MISP: variants seen among roughly 807,000 people sequenced by gnomAD.
The protein encoded by MISP is mitotic spindle positioning.
In MISP, 51 loss-of-function variants were observed where a neutral mutation model predicts 49.3. The observed-to-expected ratio is 1.03, with a 90% CI of 0.83 to 1.31. The LOEUF (loss-of-function observed/expected upper bound fraction) is 1.31. Ranked by LOEUF, MISP falls within the 50% of genes most tolerant of loss-of-function variation. MISP has a pLI of 0.00. For missense variants in MISP, 1,084 were observed against 935.1 expected, an observed-to-expected ratio of 1.16 and a Z score of -2.08; for synonymous variants, 444 against 392.6, an observed-to-expected ratio of 1.13 and a Z score of -1.55.
In MISP at chr19:757,498, CGTG is replaced by C. The variant is rs2033574580; in HGVS notation, c.555_557del (p.Val186del). ...CTCGGTCCACGCCCCTGGAGGAGAA[CGTG>C]GTTGACAGGGAGCAGATTGACTTCC... On this transcript the variant is annotated inframe_deletion, in exon 2 of 5. Coordinates refer to ENST00000215582, the MANE Select transcript of MISP (RefSeq NM_173481.4). 1 of 1,603,156 alleles carries C rather than the reference CGTG, an allele frequency of 6.2e-7. No homozygotes were observed. Among genetic ancestry groups the C allele is most frequent in the East Asian group, 2.2e-5 (1 of 44,470 alleles).
chr19:762,974 C>G (rs1020396193), intron 4 of MISP, among the ~76,000 whole-genome samples: 1 of 152,172 alleles, frequency 6.6e-6, no homozygotes, highest in Non-Finnish European at 1.5e-5. Context: ...CGCCTGACCC[C>G]TCTTTGAGCT....
Position 757,260 on chromosome 19 carries a change from G to A in MISP, c.314G>A (p.Gly105Glu), listed in dbSNP as rs1404209167. 1 of 1,613,840 alleles carries A rather than the reference G, an allele frequency of 6.2e-7. No homozygotes were observed. The highest frequency in any genetic ancestry group is 1.3e-5 in the African/African-American group (1 of 74,936). ...YRLGARDAHQ[G>E]RPTWALRPED... ...CTGGGCGCCAGGGATGCCCACCAGG[G>A]ACGTCCAACATGGGCACTCCGCCCA... Residue 105 changes from glycine (G) to glutamate (E), a missense_variant, in exon 2 of 5, where the codon GGA becomes GAA. Transcript: ENST00000215582.
At chr19:754,874 T>C (rs1184491397) in intron 1 of MISP, among the ~76,000 whole-genome samples, 6 of 128,854 alleles carry the variant, frequency 4.7e-5, no homozygotes, top group South Asian at 2.6e-4. Context: ...AAGAGGAGGG[T>C]CTGGTTTGGG....
rs1476156325 is a variant in MISP at position 761,788 on chromosome 19, G to A, written c.1950+125G>A. On this transcript the variant is annotated intron_variant, in intron 4 of 4. Coordinates refer to ENST00000215582, the MANE Select transcript of MISP (RefSeq NM_173481.4). ...ATCGTATTGGGTGTCTTCTCAATTG[G>A]TAGTGTCTGCTCAGGGTGGATTTTG... is the stretch of plus-strand genomic sequence containing the variant. 5.0e-6 allele frequency: 5 copies of A among 1,002,282 alleles called. No individual in the cohort carries two copies. The African/African-American group carries it at 6.4e-5, about 13-fold the overall frequency. 62.1% of individuals were successfully genotyped at this position (1,002,282 alleles called of 1,614,324 possible). A position where few individuals can be genotyped will look rare whatever the true frequency, so the allele number is the denominator to read the frequency against.
chr19:758,784 G>T (rs1255378244), intron 2 of MISP, 58 bp downstream of exon 2: 2 of 1,442,712 alleles, frequency 1.4e-6, no homozygotes, highest in African/African-American at 2.8e-5. Context: ...GTTGGAGCAG[G>T]GGAGGGTGGG....
chr19:761,085 C>CTT (rs557194356), intron 3 of MISP, among the ~76,000 whole-genome samples: 117 of 92,788 alleles, frequency 1.3e-3, no homozygotes, highest in Non-Finnish European at 1.6e-3. Flanking sequence ...ATATTATGTC[C>CTT]TTTTTTTTTT....
chr19:763,628 AC>A lies in MISP; in HGVS notation c.*41del, dbSNP rs768255010. 5.3e-6 allele frequency: 8 copies of A among 1,499,116 alleles called. No individual in the cohort carries two copies. The Admixed American group carries it at 1.4e-4, about 26-fold the overall frequency. The allele number at this position is 1,499,116 out of a possible 1,614,324, so 92.9% of individuals were successfully genotyped here. On this transcript the variant is annotated 3_prime_UTR_variant, in exon 5 of 5. Coordinates refer to ENST00000215582, the MANE Select transcript of MISP (RefSeq NM_173481.4). ...GGCGCCCACCCCCTGCCCTGCCCTGACCCTCGTGGGAACTGCCAAGACCATC... is the reference window on the plus strand; with the variant it reads ...GGCGCCCACCCCCTGCCCTGCCCTGACCTCGTGGGAACTGCCAAGACCATC...
At chr19:754,790 C>G (rs745788429) in intron 1 of MISP, among the ~76,000 whole-genome samples, 10 of 151,938 alleles carry the variant, frequency 6.6e-5, no homozygotes, top group Non-Finnish European at 1.0e-4. Flanking sequence ...CAGGCAGCCT[C>G]GAGACAGAGA....
In MISP at chr19:756,931, C is replaced by A; in HGVS notation, c.-16C>A. 2 of 1,510,166 alleles carry A rather than the reference C, an allele frequency of 1.3e-6. No homozygotes were observed. Among genetic ancestry groups the A allele is most frequent in the East Asian group, 2.4e-5 (1 of 41,252 alleles). 93.5% of individuals were successfully genotyped at this position (1,510,166 alleles called of 1,614,324 possible). A position where few individuals can be genotyped will look rare whatever the true frequency, so the allele number is the denominator to read the frequency against. On this transcript the variant is annotated 5_prime_UTR_variant, in exon 2 of 5. Transcript: ENST00000215582. The stretch of plus-strand genomic sequence containing the variant: ...CACCCCACGGGAGGAAGGCTGAGGC[C>A]AAGACCCCGGAAGAGATGGACCGCG...
rs1443966086 is a variant in MISP, at chr19:758,216, G to A, written c.1270G>A (p.Ala424Thr). 3.1e-6 allele frequency: 5 copies of A among 1,612,720 alleles called. No individual in the cohort carries two copies. The highest frequency in any genetic ancestry group is 4.2e-6 in the Non-Finnish European group (5 of 1,179,854). The change falls in exon 2 of 5, where the codon GCC becomes ACC. Residue 424 changes from alanine (A) to threonine (T), a missense_variant. Ala to Thr is a moderately conservative substitution (Grantham distance 58). Coordinates refer to ENST00000215582, the MANE Select transcript of MISP (RefSeq NM_173481.4). The part of the protein sequence containing the change: ...VRKVNRIPPD[A>T]YQPYLSPGTP... ...GAAGGTGAACCGCATCCCACCTGAT[G>A]CCTACCAGCCGTACCTGAGCCCCGG...
At chr19:750,188 CT>C (rs71174321), upstream of MISP, among the ~76,000 whole-genome samples, 1,550 of 112,034 alleles carry the variant, frequency 0.014, 57 homozygotes, top group African/African-American at 0.042. Flanking sequence ...TCGTGCGGTT[CT>C]TTTTTTTTTT....
Position 757,131 on chromosome 19 carries a change from A to C in MISP, c.185A>C (p.Gln62Pro). Residue 62 changes from glutamine to proline, a missense_variant, in exon 2 of 5, where the codon CAG (glutamine) becomes CCG (proline). Physicochemically the swap from Gln to Pro is moderately conservative, Grantham distance 76 (BLOSUM62 -1). Coordinates refer to ENST00000215582, the MANE Select transcript of MISP (RefSeq NM_173481.4). ...GACCACAGGGCCCAGCAGGGCGTGC[A>C]GAGGCAGGGGGTGTCCTACAGCGTG... ...PTDHRAQQGV[Q>P]RQGVSYSVHA... 1.9e-6 allele frequency: 3 copies of C among 1,613,326 alleles called. No individual in the cohort carries two copies. Among genetic ancestry groups the C allele is most frequent in the Non-Finnish European group, 2.5e-6 (3 of 1,179,890 alleles).
chr19:759,978 CGTGGACAGT>C lies in MISP; in HGVS notation c.1852_1860del (p.Trp618_Val620del). The C allele has an allele frequency of 1.9e-6, 3 of 1,614,046 alleles. No homozygotes were observed. The Admixed American group carries it at 5.0e-5, about 27-fold the overall frequency. ...CCCATCCACCTACACTCAAACGTGG[CGTGGACAGT>C]GGAAGATCCAGTGGACAGTGCTCCT... On this transcript the variant is annotated inframe_deletion, in exon 3 of 5. Transcript: ENST00000215582.
chr19:752,871 C>T (rs1363596585), intron 1 of MISP, among the ~76,000 whole-genome samples: 2 of 152,224 alleles, frequency 1.3e-5, no homozygotes, highest in African/African-American at 4.8e-5. Flanking sequence ...GTGGACCTGC[C>T]CAGCCCTTCA....
At position 757,355 on chromosome 19, in the gene MISP, T is replaced by C. The variant is rs2033569280; in HGVS notation, c.409T>C (p.Cys137Arg). The change falls in exon 2 of 5, where the codon TGT (cysteine) becomes CGT (arginine). Residue 137 changes from cysteine to arginine, a missense_variant. By Grantham distance (180) the Cys-to-Arg change is radical (BLOSUM62 -3). Coordinates refer to ENST00000215582, the MANE Select transcript of MISP (RefSeq NM_173481.4). ...DAGDADPRRL[C>R]DLERERWAVI... is the part of the protein sequence containing the mutation. ...TGGGGACGCTGACCCCAGGAGGCTG[T>C]GTGACCTGGAGCGGGAGCGCTGGGC... The C allele has an allele frequency of 6.2e-7, 1 of 1,613,590 alleles. No individual in the cohort carries two copies. The highest frequency in any genetic ancestry group is 8.5e-7 in the Non-Finnish European group (1 of 1,179,814).
intron 4 of MISP, among the ~76,000 whole-genome samples, chr19:762,564 C>G (rs913328396): frequency 2.0e-5 from 3 of 152,182 alleles, no homozygotes; most frequent in Non-Finnish European, 4.4e-5. Context: ...AAGGCACTTT[C>G]TTTGAGGAAG....
chr19:755,997 G>A (rs1237349247), intron 1 of MISP, among the ~76,000 whole-genome samples: 1 of 151,986 alleles, frequency 6.6e-6, no homozygotes, highest in Non-Finnish European at 1.5e-5. Flanking sequence ...GGGAGATAAG[G>A]TGGGCAGGGC....
upstream of MISP, among the ~76,000 whole-genome samples, chr19:750,956 C>A (rs543559620): frequency 1.3e-5 from 2 of 152,254 alleles, no homozygotes; most frequent in South Asian, 4.1e-4. Context: ...GCACGGTGCC[C>A]GCCCTTGCCC....
intron 1 of MISP, among the ~76,000 whole-genome samples, chr19:752,982 T>G (rs2033483045): frequency 6.6e-6 from 1 of 152,180 alleles, no homozygotes. Context: ...CAGTATTTAT[T>G]AGGCGCCTGC....
Sources: gnomAD v4.1 joint callset for allele counts (sites outside exome capture counted in the v4.1 genomes callset) on GRCh38, gnomAD v4.1.1 for gene constraint, MANE v1.5 for transcripts, NCBI Gene and HGNC (gene_info 2026-07-23, HGNC 2026-07-21) for gene names.